The following PJA2 variants were observed in gnomAD, a reference collection of about 807,000 sequenced individuals.
PJA2 encodes E3 ubiquitin-protein ligase Praja-2.
In PJA2, 25 loss-of-function variants were observed where a neutral mutation model predicts 69.3. That is an observed-to-expected ratio of 0.36 (90% CI 0.26 to 0.50). The LOEUF is 0.50. PJA2 is among the 20% of genes least tolerant of loss of function. The pLI is 0.96. For synonymous variants in PJA2, 308 were observed against 277.8 expected, an observed-to-expected ratio of 1.11 and a Z score of -1.08; for missense variants, 809 against 830.2, an observed-to-expected ratio of 0.97 and a Z score of 0.31.
chr5:109,403,172 C>G (rs1340273176), intron 1 of PJA2, among the ~76,000 whole-genome samples: 1 of 151,982 alleles, frequency 6.6e-6, no homozygotes. Flanking sequence ...AGGAAAGACA[C>G]CACTACAGAC....
intron 5 of PJA2, among the ~76,000 whole-genome samples, chr5:109,364,417 A>C (rs1762551109): frequency 6.6e-6 from 1 of 151,672 alleles, no homozygotes; most frequent in South Asian, 2.1e-4. Flanking sequence ...AGGTCAGGAG[A>C]TCGAGACCAT....
chr5:109,342,829 T>TG (rs1762100661), intron 9 of PJA2, among the ~76,000 whole-genome samples: 1 of 47,268 alleles, frequency 2.1e-5, no homozygotes. Context: ...GGGAGGGAGG[T>TG]TGGGGGGTCA....
chr5:109,350,076 T>C (rs532985566), intron 7 of PJA2, among the ~76,000 whole-genome samples: 38 of 152,244 alleles, frequency 2.5e-4, no homozygotes, highest in Non-Finnish European at 4.3e-4. Context: ...AGGCTAATTA[T>C]GCTTTGATAT....
intron 1 of PJA2, chr5:109,408,986 G>A (rs138842011): frequency 1.3e-5 from 2 of 152,158 alleles, no homozygotes; most frequent in South Asian, 2.1e-4. Context: ...CAAAAGAAGC[G>A]CCTATGCGGA....
At chr5:109,379,302 A>G in intron 3 of PJA2, 48 bp from the exon 4 acceptor site, 3 of 1,321,736 alleles carry the variant, frequency 2.3e-6, no homozygotes, top group Non-Finnish European at 2.0e-6. Context: ...TAACTTAGAT[A>G]AAATTTTATG....
At chr5:109,341,655 G>A (rs1345798291) in intron 9 of PJA2, among the ~76,000 whole-genome samples, 1 of 49,708 alleles carries the variant, frequency 2.0e-5, no homozygotes, top group African/African-American at 9.9e-5. Context: ...AGGTGGGGGG[G>A]TGAGCCCTCC....
At chr5:109,364,085 G>A (rs1224385876) in intron 5 of PJA2, among the ~76,000 whole-genome samples, 1 of 152,166 alleles carries the variant, frequency 6.6e-6, no homozygotes, top group Admixed American at 6.5e-5. Flanking sequence ...AGAGGTTGCA[G>A]TGAGCTGAGA....
At chr5:109,383,837 G>A (rs535916182) in intron 1 of PJA2, among the ~76,000 whole-genome samples, 23 of 152,272 alleles carry the variant, frequency 1.5e-4, no homozygotes, top group African/African-American at 5.1e-4. Context: ...TGTGGTGGGA[G>A]GATTGCTTGA....
At chr5:109,369,989 G>C (rs1194002645) in intron 4 of PJA2, among the ~76,000 whole-genome samples, 1 of 139,426 alleles carries the variant, frequency 7.2e-6, no homozygotes, top group Non-Finnish European at 1.5e-5. Context: ...CAGAGATTGT[G>C]CCATCGCACT....
At position 109,343,043 on chromosome 5, in the gene PJA2, T is replaced by C. The variant is rs1286293287; in HGVS notation, c.2001+1147A>G. 1.8e-3 allele frequency among the ~76,000 whole-genome samples: 184 copies of C among 102,278 alleles called. 1 individual carries two copies. Among genetic ancestry groups the C allele is most frequent in the African/African-American group, 6.4e-3 (158 of 24,582 alleles). 67.1% of individuals were successfully genotyped at this position (102,278 alleles called of 152,430 possible). ...CATTGAGAACGGGCCAGGATGACAATGGCGGCTTTGTGGAATAGAAAGGCG... is the reference window on the plus strand; with the variant it reads ...CATTGAGAACGGGCCAGGATGACAACGGCGGCTTTGTGGAATAGAAAGGCG... On this transcript the variant is annotated intron_variant, in intron 9 of 9. Coordinates refer to ENST00000361189, the MANE Select transcript of PJA2 (RefSeq NM_014819.5).
intron 4 of PJA2, among the ~76,000 whole-genome samples, chr5:109,373,546 G>C (rs1174776358): frequency 6.6e-6 from 1 of 152,096 alleles, no homozygotes; most frequent in African/African-American, 2.4e-5. Context: ...AAAGGGAAAA[G>C]ATTTAAAAAT....
chr5:109,346,072 A>C (rs748903753), intron 7 of PJA2, among the ~76,000 whole-genome samples: 11 of 152,310 alleles, frequency 7.2e-5, no homozygotes, highest in Non-Finnish European at 1.2e-4. Flanking sequence ...GGACTGCATA[A>C]GTCCTGTCTC....
At chr5:109,338,418 T>A (rs544312670) in intron 9 of PJA2, among the ~76,000 whole-genome samples, 42 of 152,094 alleles carry the variant, frequency 2.8e-4, no homozygotes, top group Non-Finnish European at 5.4e-4. Context: ...GGTGGACAGA[T>A]TGCCTGAGCT....
At chr5:109,341,380 G>A (rs930494664) in intron 9 of PJA2, among the ~76,000 whole-genome samples, 1 of 148,212 alleles carries the variant, frequency 6.7e-6, no homozygotes, top group South Asian at 2.2e-4. Flanking sequence ...CCCCGTCTGA[G>A]AAGTGAGGAG....
At chr5:109,379,364 A>G (rs1746985504) in intron 3 of PJA2, 110 bp from the exon 4 acceptor site, 3 of 766,582 alleles carry the variant, frequency 3.9e-6, no homozygotes, top group Non-Finnish European at 6.1e-6. Flanking sequence ...ACTTGAATAC[A>G]TGAGTAAATT....
At chr5:109,392,590 T>C (rs925605693) in intron 1 of PJA2, among the ~76,000 whole-genome samples, 2 of 141,748 alleles carry the variant, frequency 1.4e-5, no homozygotes, top group East Asian at 4.1e-4. Flanking sequence ...TGTCAAACAA[T>C]AGAACTTTAT....
At chr5:109,344,447 TTCTG>T (rs1762140864) in intron 8 of PJA2, 136 bp from the exon 9 acceptor site, 2 of 936,958 alleles carry the variant, frequency 2.1e-6, no homozygotes, top group Non-Finnish European at 3.1e-6. Flanking sequence ...TGGCAGGCAT[TTCTG>T]TCTAATACTT....
intron 8 of PJA2, 51 bp downstream of exon 8, chr5:109,344,654 A>T (rs780771567): frequency 1.7e-6 from 2 of 1,208,226 alleles, no homozygotes; most frequent in African/African-American, 1.5e-5. Flanking sequence ...TTGATAATAT[A>T]CTTAAATGTA....
chr5:109,360,444 T>C (rs1173075821), intron 6 of PJA2, among the ~76,000 whole-genome samples: 1 of 152,186 alleles, frequency 6.6e-6, no homozygotes, highest in East Asian at 1.9e-4. Flanking sequence ...CTTCACTTTT[T>C]TCTAAGCAGT....
Sources: allele counts gnomAD v4.1 joint callset (sites outside exome capture counted in the v4.1 genomes callset), GRCh38; gene constraint gnomAD v4.1.1; transcripts MANE v1.5; gene names NCBI Gene and HGNC (gene_info 2026-07-23, HGNC 2026-07-21).